DNAJC15: variants seen among roughly 807,000 people sequenced by gnomAD.
DNAJC15 encodes dnaJ homolog subfamily C member 15.
A neutral mutation model predicts 22.4 loss-of-function variants in DNAJC15; 27 were observed. The observed-to-expected ratio is 1.20, with a 90% CI of 0.89 to 1.66. DNAJC15 has a LOEUF of 1.66. Ranked by LOEUF, DNAJC15 falls within the 40% of genes most tolerant of loss-of-function variation. The pLI is 0.00. For synonymous variants in DNAJC15, 79 were observed against 63.2 expected, an observed-to-expected ratio of 1.25 and a Z score of -1.19; for missense variants, 208 against 187.1, an observed-to-expected ratio of 1.11 and a Z score of -0.65.
At position 43,078,625 on chromosome 13, in the gene DNAJC15, A is replaced by G. The variant is rs2040646881; in HGVS notation, c.248A>G (p.Tyr83Cys). 1.2e-6 allele frequency: 2 copies of G among 1,613,042 alleles called. No homozygotes were observed. The highest frequency in any genetic ancestry group is 2.7e-5 in the African/African-American group (2 of 74,872). ...TTTCCTATACAGAGCTTTTCATCCT[A>G]CTATAAAGGAGGATTTGAACAGAAA... ...KKISTPSFSS[Y>C]YKGGFEQKMS... Residue 83 changes from tyrosine to cysteine, a missense_variant, in exon 4 of 6, where the codon TAC (tyrosine) becomes TGC (cysteine). By Grantham distance (194) the Tyr-to-Cys change is radical. Coordinates refer to ENST00000379221, the MANE Select transcript of DNAJC15 (RefSeq NM_013238.3).
chr13:43,033,835 C>T (rs1361714503), intron 1 of DNAJC15, among the ~76,000 whole-genome samples: 1 of 151,910 alleles, frequency 6.6e-6, no homozygotes, highest in East Asian at 1.9e-4. Context: ...TTGAGACCAG[C>T]CTGGTCAACA....
At chr13:43,082,115 C>G (rs1459940095) in intron 4 of DNAJC15, among the ~76,000 whole-genome samples, 2 of 151,634 alleles carry the variant, frequency 1.3e-5, no homozygotes, top group Non-Finnish European at 2.9e-5. Context: ...AGCTATAATT[C>G]AAGATAAGAT....
chr13:43,074,369 A>G (rs1195946908), intron 3 of DNAJC15, among the ~76,000 whole-genome samples: 1 of 152,234 alleles, frequency 6.6e-6, no homozygotes, highest in Non-Finnish European at 1.5e-5. Context: ...ACAATATTTT[A>G]TGAATGGGAT....
intron 4 of DNAJC15, among the ~76,000 whole-genome samples, chr13:43,084,074 C>G (rs939440048): frequency 6.6e-6 from 1 of 152,162 alleles, no homozygotes; most frequent in Non-Finnish European, 1.5e-5. Flanking sequence ...GGATTGACAG[C>G]TGATAGCATA....
At position 43,078,480 on chromosome 13, in the gene DNAJC15, T is replaced by C. The variant is rs1302447226; in HGVS notation, c.235-132T>C. 4.8e-5 allele frequency: 27 copies of C among 568,412 alleles called. No homozygotes were observed. The Admixed American group carries it at 7.5e-4, about 16-fold the overall frequency. The allele number at this position is 568,412 out of a possible 1,614,324, so 35.2% of individuals were successfully genotyped here. A position where few individuals can be genotyped will look rare whatever the true frequency, so the allele number is the denominator to read the frequency against. The stretch of plus-strand genomic sequence containing the variant: ...TTGAAAAGTTTCATTGTTTGGTGCT[T>C]CCCCCCGCCCCATAATTTTGAGTTG... On this transcript the variant is annotated intron_variant, in intron 3 of 5. Coordinates refer to ENST00000379221, the MANE Select transcript of DNAJC15 (RefSeq NM_013238.3).
chr13:43,056,754 TTA>T (rs1403446733), intron 1 of DNAJC15, among the ~76,000 whole-genome samples: 1 of 152,210 alleles, frequency 6.6e-6, no homozygotes, highest in Non-Finnish European at 1.5e-5. Flanking sequence ...GATCTTTTTA[TTA>T]TATAATGTCC....
In DNAJC15 at chr13:43,112,262, C is replaced by T. The variant is rs2040828316; in HGVS notation, c.*5014C>T. On this transcript the variant is annotated 3_prime_UTR_variant, in exon 6 of 6. Transcript: ENST00000379221. ...TCATTTCTCTTCCTGCCATAATAAC[C>T]CTTTCCCTCTCTGTTCGATTCAACA... The T allele has an allele frequency of 6.6e-6, 1 of 152,192 alleles. No homozygotes were observed. The highest frequency in any genetic ancestry group is 1.5e-5 in the Non-Finnish European group (1 of 68,038). The allele number at this position is 152,192 out of a possible 1,614,324, so 9.4% of individuals were successfully genotyped here.
chr13:43,025,228 G>T (rs2040375375), intron 1 of DNAJC15, among the ~76,000 whole-genome samples: 1 of 152,188 alleles, frequency 6.6e-6, no homozygotes, highest in Non-Finnish European at 1.5e-5. Flanking sequence ...TTCAGTGTAT[G>T]ATACAGCTGA....
intron 1 of DNAJC15, among the ~76,000 whole-genome samples, chr13:43,060,122 A>G (rs1289560747): frequency 6.6e-6 from 1 of 152,168 alleles, no homozygotes; most frequent in East Asian, 1.9e-4. Flanking sequence ...TTATATTAAT[A>G]AGAAAAGCAA....
intron 1 of DNAJC15, among the ~76,000 whole-genome samples, chr13:43,048,958 A>AT (rs940878701): frequency 6.7e-6 from 1 of 150,288 alleles, no homozygotes. Flanking sequence ...AGCCTTGTGA[A>AT]TTTTTTTTTA....
At chr13:43,052,034 G>A (rs552853006) in intron 1 of DNAJC15, among the ~76,000 whole-genome samples, 6 of 151,276 alleles carry the variant, frequency 4.0e-5, no homozygotes, top group Admixed American at 2.0e-4. Context: ...GCGTGATCTC[G>A]GCTCACTGCA....
chr13:43,040,005 T>C (rs1043180217), intron 1 of DNAJC15, among the ~76,000 whole-genome samples: 1 of 150,696 alleles, frequency 6.6e-6, no homozygotes, highest in African/African-American at 2.5e-5. Flanking sequence ...GGCAAAAGAG[T>C]GAGACTCTGT....
At position 43,111,431 on chromosome 13, in the gene DNAJC15, A is replaced by G. The variant is rs2040824177; in HGVS notation, c.*4183A>G. The stretch of plus-strand genomic sequence containing the variant: ...TGATCACCCAGCAGCATCATTAGAA[A>G]TAATATATTTTATTCATGTGCAGAA... On this transcript the variant is annotated 3_prime_UTR_variant, in exon 6 of 6. Transcript: ENST00000379221. 1 of 152,210 alleles carries G rather than the reference A, an allele frequency of 6.6e-6. No individual in the cohort carries two copies. Among genetic ancestry groups the G allele is most frequent in the Non-Finnish European group, 1.5e-5 (1 of 68,038 alleles). The allele number at this position is 152,210 out of a possible 1,614,324, so 9.4% of individuals were successfully genotyped here.
rs920577789 is a variant in DNAJC15 at position 43,107,646 on chromosome 13, T to A, written c.*398T>A. 1 of 153,504 alleles carries A rather than the reference T, an allele frequency of 6.5e-6. No individual in the cohort carries two copies. The highest frequency in any genetic ancestry group is 2.4e-5 in the African/African-American group (1 of 41,496). The allele number at this position is 153,504 out of a possible 1,614,324, so 9.5% of individuals were successfully genotyped here. A position where few individuals can be genotyped will look rare whatever the true frequency, so the allele number is the denominator to read the frequency against. ...TATATTTGTACCCTCATTGTCAATT[T>A]TTTTTTAGGGAATTTGGGACTCTGC... On this transcript the variant is annotated 3_prime_UTR_variant, in exon 6 of 6. Transcript: ENST00000379221.
intron 5 of DNAJC15, among the ~76,000 whole-genome samples, chr13:43,094,180 T>G (rs1308400844): frequency 1.3e-5 from 2 of 152,204 alleles, no homozygotes; most frequent in African/African-American, 4.8e-5. Flanking sequence ...TGGTCTATCT[T>G]TTACTTTGAA....
chr13:43,050,173 G>A (rs1337518579), intron 1 of DNAJC15, among the ~76,000 whole-genome samples: 2 of 152,100 alleles, frequency 1.3e-5, no homozygotes, highest in Non-Finnish European at 2.9e-5. Flanking sequence ...ACCTGCCTCA[G>A]CCTCCCAAAG....
At chr13:43,070,162 C>T (rs1566209608) in intron 3 of DNAJC15, among the ~76,000 whole-genome samples, 2 of 152,090 alleles carry the variant, frequency 1.3e-5, no homozygotes, top group East Asian at 3.9e-4. Context: ...GCTTAGTTAG[C>T]CATGAATAAT....
At position 43,023,595 on chromosome 13, in the gene DNAJC15, C is replaced by T. The variant is rs1182505001; in HGVS notation, c.-32C>T. 1.9e-6 allele frequency: 3 copies of T among 1,584,842 alleles called. No homozygotes were observed. The highest frequency in any genetic ancestry group is 2.3e-5 in the East Asian group (1 of 43,544). On this transcript the variant is annotated 5_prime_UTR_variant, in exon 1 of 6. Coordinates refer to ENST00000379221, the MANE Select transcript of DNAJC15 (RefSeq NM_013238.3). ...CCTACGGCCGCCTCGTAGTCACTGCCGCGGCGCCTTGAGTCTCCGGGCCGC... is the reference window on the plus strand; with the variant it reads ...CCTACGGCCGCCTCGTAGTCACTGCTGCGGCGCCTTGAGTCTCCGGGCCGC...
At chr13:43,072,804 T>A (rs1593322274) in intron 3 of DNAJC15, among the ~76,000 whole-genome samples, 1 of 152,228 alleles carries the variant, frequency 6.6e-6, no homozygotes, top group African/African-American at 2.4e-5. Context: ...CCTCAAGTGA[T>A]CCACCCACCT....
Sources: allele counts gnomAD v4.1 joint callset (sites outside exome capture counted in the v4.1 genomes callset), GRCh38; gene constraint gnomAD v4.1.1; transcripts MANE v1.5; gene names NCBI Gene and HGNC (gene_info 2026-07-23, HGNC 2026-07-21).